EPHA4: variants seen among roughly 807,000 people sequenced by gnomAD.
The protein encoded by EPHA4 is EPH receptor A4.
In EPHA4, 19 loss-of-function variants were observed where a neutral mutation model predicts 108.3. The ratio of observed to expected loss-of-function variants is 0.18; its 90% CI spans 0.12 to 0.26. The LOEUF (loss-of-function observed/expected upper bound fraction) is 0.26. EPHA4 is among the 10% of genes least tolerant of loss of function. The pLI is 1.00. For synonymous variants in EPHA4, 449 were observed against 455.5 expected, an observed-to-expected ratio of 0.99 and a Z score of 0.18; for missense variants, 917 against 1,254.0, an observed-to-expected ratio of 0.73 and a Z score of 4.06.
chr2:221,472,408 C>G (rs539178608), intron 5 of EPHA4, among the ~76,000 whole-genome samples: 2 of 152,180 alleles, frequency 1.3e-5, no homozygotes, highest in African/African-American at 4.8e-5. Context: ...TAAGCTACCC[C>G]CTTTTCAGTG....
At chr2:221,550,034 T>C (rs1311211051) in intron 3 of EPHA4, among the ~76,000 whole-genome samples, 1 of 152,076 alleles carries the variant, frequency 6.6e-6, no homozygotes, top group Admixed American at 6.6e-5. Flanking sequence ...ATTTCAATAA[T>C]GTAATTATGG....
Position 221,426,072 on chromosome 2 carries a change from G to A in EPHA4, c.2917C>T (p.Arg973Ter), listed in dbSNP as rs202216669. 1.2e-5 allele frequency: 19 copies of A among 1,614,028 alleles called. No individual in the cohort carries two copies. In the Admixed American group the frequency reaches 1.8e-4, roughly 16 times the overall value. ...CCGTGCATCTGCTGCATTTGGGTTC[G>A]CATTGCCTGGACACTGCTCAAAATC... ...NKILSSVQAM[R>*]TQMQQMHGRM... Residue 973 changes from arginine (R) to a stop codon, truncating the protein, a stop_gained, in exon 17 of 18, where the codon CGA becomes TGA. Coordinates refer to ENST00000281821, the MANE Select transcript of EPHA4 (RefSeq NM_004438.5). LOFTEE classifies it high-confidence loss of function.
chr2:221,510,395 A>G (rs920959113), intron 3 of EPHA4, among the ~76,000 whole-genome samples: 1 of 152,194 alleles, frequency 6.6e-6, no homozygotes, highest in Non-Finnish European at 1.5e-5. Context: ...CCTTCAACCA[A>G]TAGTTTCTAA....
At chr2:221,555,367 G>A (rs1185694573) in intron 3 of EPHA4, among the ~76,000 whole-genome samples, 1 of 152,176 alleles carries the variant, frequency 6.6e-6, no homozygotes, top group Admixed American at 6.5e-5. Context: ...GGAAATGGGT[G>A]TGCTGTTTTG....
chr2:221,549,690 G>C (rs1250170235), intron 3 of EPHA4, among the ~76,000 whole-genome samples: 1 of 152,212 alleles, frequency 6.6e-6, no homozygotes, highest in Admixed American at 6.5e-5. Context: ...TCTACACAAA[G>C]CCCAAAGCCG....
intron 3 of EPHA4, among the ~76,000 whole-genome samples, chr2:221,553,028 A>T (rs1166130737): frequency 6.6e-6 from 1 of 152,220 alleles, no homozygotes; most frequent in Non-Finnish European, 1.5e-5. Context: ...CTGGCAACAC[A>T]TCATGAGGCT....
chr2:221,428,903 T>G (rs1689991094), intron 15 of EPHA4, among the ~76,000 whole-genome samples: 3 of 152,212 alleles, frequency 2.0e-5, no homozygotes, highest in Admixed American at 6.5e-5. Context: ...AGTTCTCTTT[T>G]TTTTCATGTA....
chr2:221,423,772 A>C (rs1347624452), intron 17 of EPHA4, among the ~76,000 whole-genome samples: 2 of 152,158 alleles, frequency 1.3e-5, no homozygotes, highest in Non-Finnish European at 2.9e-5. Flanking sequence ...AAAAAAAAAA[A>C]AAACTTTTAA....
intron 4 of EPHA4, among the ~76,000 whole-genome samples, chr2:221,500,037 G>A (rs947630732): frequency 1.3e-5 from 2 of 151,908 alleles, no homozygotes; most frequent in African/African-American, 4.8e-5. Context: ...GATTACAGGC[G>A]TGAGCCACCG....
chr2:221,426,651 C>G, intron 15 of EPHA4, 32 bp from the exon 16 acceptor site: 3 of 1,588,334 alleles, frequency 1.9e-6, no homozygotes, highest in Non-Finnish European at 2.6e-6. Flanking sequence ...ATAAGCAGAA[C>G]GGAGCTACCA....
Position 221,571,643 on chromosome 2 carries a change from C to A in EPHA4, c.91+515G>T, listed in dbSNP as rs1279243305. ...CACTGGCGCCTGACGAGCGGCGCCACGACCGCTGCGCTGCGGAGCAGGCCC... is the reference window on the plus strand; with the variant it reads ...CACTGGCGCCTGACGAGCGGCGCCAAGACCGCTGCGCTGCGGAGCAGGCCC... On this transcript the variant is annotated intron_variant, in intron 1 of 17. Transcript: ENST00000281821. This position sits in a 1 kb window ranked among gnomAD's most constrained non-coding sequence, Gnocchi z 6.3. Among the ~76,000 whole-genome samples, 1 of 152,142 alleles carries A rather than the reference C, an allele frequency of 6.6e-6. No homozygotes were observed. The highest frequency in any genetic ancestry group is 1.5e-5 in the Non-Finnish European group (1 of 68,026).
At chr2:221,453,618 G>A (rs1219133223) in intron 8 of EPHA4, among the ~76,000 whole-genome samples, 2 of 151,830 alleles carry the variant, frequency 1.3e-5, no homozygotes, top group African/African-American at 4.8e-5. Flanking sequence ...GAATATAGAG[G>A]GCATGCCAAT....
At position 221,456,668 on chromosome 2, in the gene EPHA4, C is replaced by T; in HGVS notation, c.1548G>A (p.Arg516=). 2 of 1,613,940 alleles carry T rather than the reference C, an allele frequency of 1.2e-6. No individual in the cohort carries two copies. Among genetic ancestry groups the T allele is most frequent in the South Asian group, 1.1e-5 (1 of 91,080 alleles). ...LTSYVFHVRA[R]TAAGYGDFSE... ...TGAAGTCTCCATAGCCAGCTGCTGT[C>T]CTGGCTCGCACGTGGAAAACATAGG... Residue 516 remains arginine, a synonymous_variant, in exon 7 of 18, where the codon AGG becomes AGA. Coordinates refer to ENST00000281821, the MANE Select transcript of EPHA4 (RefSeq NM_004438.5).
In EPHA4 at chr2:221,443,621, T is replaced by C. The variant is rs370423020; in HGVS notation, c.1775-15A>G. 3 of 1,588,900 alleles carry C rather than the reference T, an allele frequency of 1.9e-6. No individual in the cohort carries two copies. Among genetic ancestry groups the C allele is most frequent in the Non-Finnish European group, 2.6e-6 (3 of 1,158,184 alleles). On this transcript the variant is annotated splice_polypyrimidine_tract_variant and intron_variant, in intron 9 of 17. Transcript: ENST00000281821. Reference sequence around the variant, plus strand: ...TGTTCTTACACCTGAGTGATAAACATGATAAGTTGGCTGAATACTTCTAAG... The same window carrying C: ...TGTTCTTACACCTGAGTGATAAACACGATAAGTTGGCTGAATACTTCTAAG...
chr2:221,465,881 CA>C lies in EPHA4; in HGVS notation c.1319-7892del, dbSNP rs373638492. Among the ~76,000 whole-genome samples, 507 of 152,050 alleles carry C rather than the reference CA, an allele frequency of 3.3e-3. 2 individuals carry two copies. The highest frequency in any genetic ancestry group is 0.012 in the African/African-American group (487 of 41,504). On this transcript the variant is annotated intron_variant, in intron 5 of 17. Transcript: ENST00000281821. Reference sequence around the variant, plus strand: ...ATTCAAGTGAAGTGGAGCCTTCTGGCAAAAAAGAGGTATTTGCATATCACAA... The same window carrying C: ...ATTCAAGTGAAGTGGAGCCTTCTGGCAAAAAGAGGTATTTGCATATCACAA...
chr2:221,563,625 TC>T, intron 3 of EPHA4, 105 bp downstream of exon 3: 1 of 1,345,338 alleles, frequency 7.4e-7, no homozygotes, highest in East Asian at 2.3e-5. Flanking sequence ...TCCCACCACA[TC>T]CCACAGGGGC....
At chr2:221,466,702 C>T (rs1691323345) in intron 5 of EPHA4, among the ~76,000 whole-genome samples, 1 of 152,128 alleles carries the variant, frequency 6.6e-6, no homozygotes, top group Non-Finnish European at 1.5e-5. Flanking sequence ...GTAAACCTCA[C>T]AAAAACTCTA....
intron 3 of EPHA4, among the ~76,000 whole-genome samples, chr2:221,512,057 T>G (rs764828442): frequency 9.2e-5 from 14 of 152,196 alleles, no homozygotes; most frequent in Admixed American, 3.3e-4. Flanking sequence ...AAAGAAATAT[T>G]AATTTGATTT....
chr2:221,457,652 T>C (rs1269256050), intron 6 of EPHA4, among the ~76,000 whole-genome samples: 2 of 152,076 alleles, frequency 1.3e-5, no homozygotes, highest in South Asian at 2.1e-4. Context: ...GGAAGCAAAA[T>C]GCATTTGATT....
Sources: allele counts gnomAD v4.1 joint callset (sites outside exome capture counted in the v4.1 genomes callset), GRCh38; gene constraint gnomAD v4.1.1; non-coding constraint Gnocchi (gnomAD v3.1); transcripts MANE v1.5; gene names NCBI Gene and HGNC (gene_info 2026-07-23, HGNC 2026-07-21).